Variants in AGFG1 observed in about 807,000 individuals in gnomAD.
The protein encoded by AGFG1 is ArfGAP with FG repeats 1.
A neutral mutation model predicts 60.6 loss-of-function variants in AGFG1; 10 were observed. The observed-to-expected ratio is 0.16, with a 90% CI of 0.10 to 0.28. The LOEUF (loss-of-function observed/expected upper bound fraction) is 0.28. AGFG1 is among the 10% of genes least tolerant of loss of function. The probability of loss-of-function intolerance (pLI) is 1.00; values close to 1 mark genes in which losing one functional copy is unlikely to be tolerated. For missense variants in AGFG1, 537 were observed against 676.5 expected, an observed-to-expected ratio of 0.79 and a Z score of 2.29; for synonymous variants, 247 against 242.9, an observed-to-expected ratio of 1.02 and a Z score of -0.16.
At chr2:227,521,894 AAG>A in intron 3 of AGFG1, among the ~76,000 whole-genome samples, 1 of 152,348 alleles carries the variant, frequency 6.6e-6, no homozygotes, top group East Asian at 1.9e-4. Flanking sequence ...ACAGGATAAT[AAG>A]AGTTATACAA....
At chr2:227,498,044 A>C (rs887653816) in intron 2 of AGFG1, among the ~76,000 whole-genome samples, 2 of 151,940 alleles carry the variant, frequency 1.3e-5, no homozygotes, top group African/African-American at 4.8e-5. Context: ...TGTTTTGCCT[A>C]TTTCATGAGG....
At chr2:227,494,101 A>G (rs905826176) in intron 2 of AGFG1, among the ~76,000 whole-genome samples, 4 of 152,246 alleles carry the variant, frequency 2.6e-5, no homozygotes, top group Non-Finnish European at 4.4e-5. Flanking sequence ...TCTTAGAACC[A>G]AAATAATGGA....
At chr2:227,495,978 CATG>C (rs544318219) in intron 2 of AGFG1, among the ~76,000 whole-genome samples, 4 of 150,934 alleles carry the variant, frequency 2.7e-5, no homozygotes, top group Non-Finnish European at 5.9e-5. Context: ...ATTAGCCAGG[CATG>C]GTGGTGTGTG....
chr2:227,546,089 T>C (rs565516785), intron 10 of AGFG1, among the ~76,000 whole-genome samples: 1 of 152,290 alleles, frequency 6.6e-6, no homozygotes, highest in Admixed American at 6.5e-5. Flanking sequence ...CTGCCCCCAG[T>C]GGTGGAGTCT....
At chr2:227,495,545 CAAA>C (rs1215021284) in intron 2 of AGFG1, among the ~76,000 whole-genome samples, 9 of 90,082 alleles carry the variant, frequency 1.0e-4, no homozygotes, top group Admixed American at 1.3e-4. Context: ...GATACTGTCT[CAAA>C]AAAAAAAAAA....
intron 1 of AGFG1, among the ~76,000 whole-genome samples, chr2:227,481,122 T>C (rs1422296016): frequency 1.2e-5 from 1 of 80,508 alleles, no homozygotes; most frequent in Admixed American, 1.3e-4. Flanking sequence ...TTTTTTTTTT[T>C]TGAATTTGTT....
chr2:227,534,841 C>G lies in AGFG1; in HGVS notation c.1025-4C>G, dbSNP rs758172560. 5 of 1,610,304 alleles carry G rather than the reference C, an allele frequency of 3.1e-6. No homozygotes were observed. In the South Asian group the frequency reaches 5.5e-5, roughly 18 times the overall value. On this transcript the variant is annotated splice_region_variant and splice_polypyrimidine_tract_variant and intron_variant, in intron 7 of 12. Coordinates refer to ENST00000310078, the MANE Select transcript of AGFG1 (RefSeq NM_004504.5). ...TGGTGTAACTTGATTTTGTTCGTTC[C>G]CAGGTGGTGATCAGGGAAGTGGCTT...
chr2:227,519,739 C>G (rs1229942020), intron 2 of AGFG1, among the ~76,000 whole-genome samples: 1 of 152,122 alleles, frequency 6.6e-6, no homozygotes, highest in East Asian at 1.9e-4. Flanking sequence ...CTTCATTTCC[C>G]CTTTTTAATG....
Position 227,561,100 on chromosome 2 carries a change from C to T in AGFG1, c.*6605C>T, listed in dbSNP as rs1321482764. On this transcript the variant is annotated 3_prime_UTR_variant, in exon 13 of 13. Transcript: ENST00000310078. ...TGGATGAAAACTTACAGGCTGTTTT[C>T]AATATTCATTTCTGAAATACTTTAG... 6.6e-6 allele frequency: 1 copy of T among 152,032 alleles called. No individual in the cohort carries two copies. 9.4% of individuals were successfully genotyped at this position (152,032 alleles called of 1,614,324 possible). A position where few individuals can be genotyped will look rare whatever the true frequency, so the allele number is the denominator to read the frequency against.
chr2:227,496,991 C>T (rs7600530), intron 2 of AGFG1, among the ~76,000 whole-genome samples: 8,241 of 152,070 alleles, frequency 0.054, 294 homozygotes, highest in African/African-American at 0.09. Flanking sequence ...AACATATTGC[C>T]ATGTAGAGTG....
chr2:227,475,826 C>G (rs1243640548), intron 1 of AGFG1, among the ~76,000 whole-genome samples: 2 of 152,116 alleles, frequency 1.3e-5, no homozygotes, highest in South Asian at 2.1e-4. Context: ...GAGCACATAC[C>G]GTATTTGAGG....
chr2:227,531,635 G>A (rs1352062531), intron 6 of AGFG1, among the ~76,000 whole-genome samples: 1 of 133,428 alleles, frequency 7.5e-6, no homozygotes, highest in Non-Finnish European at 1.5e-5. Flanking sequence ...GTCTCACTAT[G>A]TTGCCCAGGC....
At chr2:227,472,719 G>T in intron 1 of AGFG1, 131 bp downstream of exon 1, 3 of 1,057,652 alleles carry the variant, frequency 2.8e-6, no homozygotes, top group Non-Finnish European at 3.7e-6. Flanking sequence ...CGGCCGTTGG[G>T]CGCCGGCTGG....
At chr2:227,544,368 A>T (rs35783401) in intron 10 of AGFG1, among the ~76,000 whole-genome samples, 10,945 of 151,978 alleles carry the variant, frequency 0.072, 526 homozygotes, top group Admixed American at 0.11. Context: ...GTTAGCCAGG[A>T]TGGTGTCGAT....
chr2:227,489,819 C>CTTTTTTTTTTTTTTTTTTTT (rs35139576), intron 1 of AGFG1, among the ~76,000 whole-genome samples: 2 of 144,764 alleles, frequency 1.4e-5, no homozygotes, highest in Non-Finnish European at 3.1e-5. Flanking sequence ...AGCAAAAATA[C>CTTTTTTTTTTTTTTTTTTTT]TTTTTTTTTT....
intron 1 of AGFG1, among the ~76,000 whole-genome samples, chr2:227,483,655 A>G (rs73081468): frequency 0.018 from 2,816 of 152,260 alleles, 88 homozygotes; most frequent in African/African-American, 0.064. Context: ...TTATCTTAAT[A>G]GTTTGTTCCT....
At chr2:227,505,346 C>A (rs1229300408) in intron 2 of AGFG1, among the ~76,000 whole-genome samples, 3 of 152,150 alleles carry the variant, frequency 2.0e-5, no homozygotes, top group African/African-American at 7.2e-5. Flanking sequence ...GATCTTGAAT[C>A]TGTACATTTT....
At position 227,491,645 on chromosome 2, in the gene AGFG1, G is replaced by A; in HGVS notation, c.261+5G>A. On this transcript the variant is annotated splice_donor_5th_base_variant and intron_variant, in intron 2 of 12. Transcript: ENST00000310078. The stretch of plus-strand genomic sequence containing the variant: ...TTACAAAAACATGGAAATGAAGTAA[G>A]TGGTTTTTTTTTTTTTTTGCAATTT... 1 of 1,383,754 alleles carries A rather than the reference G, an allele frequency of 7.2e-7. No homozygotes were observed. Among genetic ancestry groups the A allele is most frequent in the East Asian group, 2.6e-5 (1 of 38,936 alleles). 85.7% of individuals were successfully genotyped at this position (1,383,754 alleles called of 1,614,324 possible).
intron 4 of AGFG1, among the ~76,000 whole-genome samples, chr2:227,524,292 AC>A (rs59362371): frequency 0.047 from 7,173 of 152,222 alleles, 221 homozygotes; most frequent in African/African-American, 0.092. Context: ...TCTTTGATAC[AC>A]TTTTCTAGGA....
Sources: gnomAD v4.1 joint callset for allele counts (sites outside exome capture counted in the v4.1 genomes callset) on GRCh38, gnomAD v4.1.1 for gene constraint, MANE v1.5 for transcripts, NCBI Gene and HGNC (gene_info 2026-07-23, HGNC 2026-07-21) for gene names.